NRXN3: variants seen among roughly 807,000 people sequenced by gnomAD.
NRXN3 encodes neurexin 3.
In NRXN3, 32 loss-of-function variants were observed where a neutral mutation model predicts 137.6. The observed-to-expected ratio is 0.23, with a 90% CI of 0.18 to 0.31. The LOEUF (loss-of-function observed/expected upper bound fraction) is 0.31, where lower values mean the gene tolerates loss of function less well. NRXN3 is among the 10% of genes least tolerant of loss of function. NRXN3 has a pLI of 1.00. For synonymous variants in NRXN3, 798 were observed against 784.5 expected, an observed-to-expected ratio of 1.02 and a Z score of -0.29; for missense variants, 1,574 against 2,062.5, an observed-to-expected ratio of 0.76 and a Z score of 4.59.
chr14:79,521,814 T>A (rs2097068185), intron 16 of NRXN3, among the ~76,000 whole-genome samples: 1 of 152,184 alleles, frequency 6.6e-6, no homozygotes. Context: ...TACCTTCAAT[T>A]TCATTGTCAT....
rs1425728393 is a variant in NRXN3 at position 78,645,086 on chromosome 14, G to C, written c.758-34G>C. On this transcript the variant is annotated intron_variant, in intron 4 of 20. Coordinates refer to ENST00000335750, the MANE Select transcript of NRXN3 (RefSeq NM_001330195.2). ...CATAGGTCTGACTCTTGCCAGACAA[G>C]TGCTGATTGCTTTCCTCTTTTCTTT... 2.7e-6 allele frequency: 4 copies of C among 1,505,736 alleles called. No individual in the cohort carries two copies. The East Asian group carries it at 7.4e-5, about 28-fold the overall frequency. The allele number at this position is 1,505,736 out of a possible 1,614,324, so 93.3% of individuals were successfully genotyped here.
chr14:78,780,435 T>TA (rs1161352942), intron 8 of NRXN3, among the ~76,000 whole-genome samples: 1 of 152,048 alleles, frequency 6.6e-6, no homozygotes, highest in Admixed American at 6.5e-5. Flanking sequence ...CATAGATCAT[T>TA]AAAAAAATAT....
At chr14:78,416,298 A>T (rs1313904751) in intron 4 of NRXN3, among the ~76,000 whole-genome samples, 1 of 152,198 alleles carries the variant, frequency 6.6e-6, no homozygotes, top group Non-Finnish European at 1.5e-5. Flanking sequence ...GAGTGGGTTA[A>T]TGTTTTCAGA....
chr14:78,643,814 T>C (rs2097659011), intron 4 of NRXN3, among the ~76,000 whole-genome samples: 1 of 152,186 alleles, frequency 6.6e-6, no homozygotes. Flanking sequence ...CGGCTACTCC[T>C]CAGACCTTGC....
intron 15 of NRXN3, among the ~76,000 whole-genome samples, chr14:79,230,425 C>G (rs557932813): frequency 5.9e-5 from 9 of 152,210 alleles, no homozygotes; most frequent in African/African-American, 2.2e-4. Flanking sequence ...CTGAAGATTC[C>G]TCAAGAATGT....
chr14:79,282,452 T>G (rs1566660264), intron 15 of NRXN3, among the ~76,000 whole-genome samples: 1 of 152,082 alleles, frequency 6.6e-6, no homozygotes, highest in Non-Finnish European at 1.5e-5. Context: ...GTGATGGAAT[T>G]TGCAGAGCAG....
chr14:79,619,400 G>T (rs2098197272), intron 16 of NRXN3, among the ~76,000 whole-genome samples: 1 of 151,872 alleles, frequency 6.6e-6, no homozygotes, highest in East Asian at 1.9e-4. Flanking sequence ...AGGTGTAGGG[G>T]TCCAGTTTCA....
chr14:78,440,560 G>C (rs566578831), intron 4 of NRXN3, among the ~76,000 whole-genome samples: 1 of 152,234 alleles, frequency 6.6e-6, no homozygotes, highest in African/African-American at 2.4e-5. Context: ...TGCAACTCAC[G>C]AGATAAAGCT....
At chr14:79,765,003 C>T (rs1405941729) in intron 19 of NRXN3, among the ~76,000 whole-genome samples, 1 of 152,104 alleles carries the variant, frequency 6.6e-6, no homozygotes, top group Non-Finnish European at 1.5e-5. Context: ...TTTGTCTCGC[C>T]CACTTCTACA....
intron 4 of NRXN3, among the ~76,000 whole-genome samples, chr14:78,300,190 G>A (rs2153529611): frequency 6.6e-6 from 1 of 152,284 alleles, no homozygotes; most frequent in Non-Finnish European, 1.5e-5. Flanking sequence ...TATGTTGTGT[G>A]TACAACACCT....
At chr14:79,098,291 A>G (rs1595933045) in intron 15 of NRXN3, among the ~76,000 whole-genome samples, 1 of 152,296 alleles carries the variant, frequency 6.6e-6, no homozygotes, top group African/African-American at 2.4e-5. Flanking sequence ...ACAGGGAGAT[A>G]CCCCAGTTCC....
chr14:79,559,111 A>G (rs2097461914), intron 16 of NRXN3, among the ~76,000 whole-genome samples: 1 of 152,142 alleles, frequency 6.6e-6, no homozygotes, highest in African/African-American at 2.4e-5. Flanking sequence ...TTCTGTCCAG[A>G]CAACTAAAAC....
chr14:79,815,142 T>C (rs893685672), intron 20 of NRXN3, among the ~76,000 whole-genome samples: 10 of 152,176 alleles, frequency 6.6e-5, no homozygotes, highest in East Asian at 1.9e-4. Flanking sequence ...TAGAAGGAAG[T>C]GCCCAGTTAA....
intron 16 of NRXN3, among the ~76,000 whole-genome samples, chr14:79,483,788 GGTGT>G (rs1056871872): frequency 2.0e-5 from 3 of 148,466 alleles, no homozygotes; most frequent in East Asian, 3.9e-4. Context: ...TGTGTGGGTG[GGTGT>G]GTGTGTGTGT....
intron 15 of NRXN3, among the ~76,000 whole-genome samples, chr14:79,462,202 C>T (rs970155160): frequency 3.2e-4 from 49 of 151,312 alleles, no homozygotes; most frequent in African/African-American, 1.0e-3. Flanking sequence ...GGTGAAACCC[C>T]GTCTCTACTA....
At chr14:78,701,714 A>C (rs1416193307) in intron 6 of NRXN3, among the ~76,000 whole-genome samples, 1 of 152,224 alleles carries the variant, frequency 6.6e-6, no homozygotes. Flanking sequence ...TAGAATTTTT[A>C]AAAATTAATT....
At chr14:78,643,342 T>C (rs2097654150) in intron 4 of NRXN3, among the ~76,000 whole-genome samples, 2 of 152,172 alleles carry the variant, frequency 1.3e-5, no homozygotes, top group African/African-American at 4.8e-5. Flanking sequence ...CCTCCAATCT[T>C]TAGAGGGAAA....
rs775625031 is a variant in NRXN3, at chr14:78,803,799, C to A, written c.2224C>A (p.Arg742Ser). The part of the protein sequence containing the change: ...DTLRLELDGG[R>S]VKLMVNLDCI... ...CCTGCGTCTGGAGCTGGATGGGGGG[C>A]GTGTCAAGCTCATGGTTAACTTAGG... is the stretch of plus-strand genomic sequence containing the variant. Residue 742 changes from arginine to serine, a missense_variant, in exon 9 of 21, where the codon CGT (arginine) becomes AGT (serine). Transcript: ENST00000335750. 4 of 1,613,764 alleles carry A rather than the reference C, an allele frequency of 2.5e-6. No individual in the cohort carries two copies. The highest frequency in any genetic ancestry group is 3.4e-6 in the Non-Finnish European group (4 of 1,179,982).
chr14:79,019,592 G>T (rs572621125), intron 15 of NRXN3, among the ~76,000 whole-genome samples: 1 of 152,130 alleles, frequency 6.6e-6, no homozygotes, highest in Non-Finnish European at 1.5e-5. Context: ...GTCCGTGCTC[G>T]GGTGGAAGCA....
Sources: allele counts gnomAD v4.1 joint callset (sites outside exome capture counted in the v4.1 genomes callset), GRCh38; gene constraint gnomAD v4.1.1; transcripts MANE v1.5; gene names NCBI Gene and HGNC (gene_info 2026-07-23, HGNC 2026-07-21).